CDS2: variants seen among roughly 807,000 people sequenced by gnomAD.
The protein encoded by CDS2 is CDP-diacylglycerol synthase 2, also known as phosphatidate cytidylyltransferase 2.
CDS2 carries 47 observed loss-of-function variants against 59.0 expected under a neutral mutation model. The observed-to-expected ratio is 0.80, with a 90% CI of 0.63 to 1.02. CDS2 has a LOEUF of 1.02. Ranked by LOEUF, CDS2 falls within the 50% of genes least tolerant of loss-of-function variation. CDS2 has a pLI of 0.00. For missense variants in CDS2, 356 were observed against 558.9 expected, an observed-to-expected ratio of 0.64 and a Z score of 3.66; for synonymous variants, 207 against 206.4, an observed-to-expected ratio of 1.00 and a Z score of -0.02.
intron 1 of CDS2, among the ~76,000 whole-genome samples, chr20:5,135,146 A>G (rs1281297582): frequency 2.6e-5 from 4 of 152,264 alleles, no homozygotes; most frequent in African/African-American, 9.6e-5. Context: ...TAAAATGTTG[A>G]CCATTGAACT....
chr20:5,167,131 C>T (rs60296705), intron 1 of CDS2, among the ~76,000 whole-genome samples: 3,944 of 152,230 alleles, frequency 0.026, 74 homozygotes, highest in East Asian at 0.08. Context: ...GTGTTGTGTC[C>T]TCTACCAAGT....
intron 1 of CDS2, among the ~76,000 whole-genome samples, chr20:5,171,924 C>T (rs572679339): frequency 6.6e-6 from 1 of 152,318 alleles, no homozygotes; most frequent in African/African-American, 2.4e-5. Flanking sequence ...TTTACCAAAG[C>T]CAGCTGTCTC....
intron 1 of CDS2, among the ~76,000 whole-genome samples, chr20:5,145,111 C>T (rs1227659438): frequency 6.6e-6 from 1 of 151,802 alleles, no homozygotes; most frequent in African/African-American, 2.4e-5. Flanking sequence ...AATGGGGAGA[C>T]AAGACACAGT....
At chr20:5,164,125 GATTGAGAACACTGTTAAT>G (rs959349345) in intron 1 of CDS2, among the ~76,000 whole-genome samples, 1 of 151,986 alleles carries the variant, frequency 6.6e-6, no homozygotes, top group African/African-American at 2.4e-5. Context: ...ACACATTTGG[GATTGAGAACACTGTTAAT>G]TCCATGTTCT....
chr20:5,156,401 T>C (rs997422506), intron 1 of CDS2, among the ~76,000 whole-genome samples: 1 of 152,020 alleles, frequency 6.6e-6, no homozygotes, highest in African/African-American at 2.4e-5. Flanking sequence ...GGAGGTATCT[T>C]GTTGGCAGGT....
intron 1 of CDS2, among the ~76,000 whole-genome samples, chr20:5,154,395 T>C (rs2090816702): frequency 1.3e-5 from 2 of 152,160 alleles, no homozygotes; most frequent in African/African-American, 4.8e-5. Context: ...GGAAACACTG[T>C]CAGGGCAAGT....
intron 10 of CDS2, chr20:5,187,279 T>C (rs1370499746): frequency 1.1e-5 from 2 of 190,048 alleles, no homozygotes; most frequent in East Asian, 1.2e-4. Context: ...CCAGTTCTAA[T>C]GAATGTCTAT....
intron 9 of CDS2, 127 bp downstream of exon 9, chr20:5,185,953 C>T (rs1212925548): frequency 1.1e-6 from 1 of 879,962 alleles, no homozygotes; most frequent in African/African-American, 1.7e-5. Context: ...GGCAACCTTG[C>T]CCTGAAGAGG....
At chr20:5,148,711 G>A (rs1345682398) in intron 1 of CDS2, among the ~76,000 whole-genome samples, 5 of 152,196 alleles carry the variant, frequency 3.3e-5, no homozygotes, top group African/African-American at 9.7e-5. Context: ...CCTACAATGC[G>A]GTTTGCACCG....
At chr20:5,145,707 G>A (rs1420293193) in intron 1 of CDS2, among the ~76,000 whole-genome samples, 7 of 151,956 alleles carry the variant, frequency 4.6e-5, no homozygotes, top group Admixed American at 4.6e-4. Flanking sequence ...AGGCCATAGT[G>A]TCCTTCCTTG....
intron 1 of CDS2, among the ~76,000 whole-genome samples, chr20:5,140,382 A>G (rs1446879235): frequency 6.6e-6 from 1 of 152,192 alleles, no homozygotes; most frequent in Non-Finnish European, 1.5e-5. Flanking sequence ...AGCCACTCTG[A>G]ATGCCTGTCT....
intron 5 of CDS2, among the ~76,000 whole-genome samples, chr20:5,180,914 AGAGGAG>A (rs61425043): frequency 2.0e-4 from 31 of 152,276 alleles, no homozygotes; most frequent in African/African-American, 7.5e-4. Context: ...TTCAGGGTAG[AGAGGAG>A]CTCAGTCAGA....
chr20:5,187,096 G>A (rs1454632539), intron 10 of CDS2: 2 of 381,080 alleles, frequency 5.2e-6, no homozygotes, highest in East Asian at 4.4e-5. Flanking sequence ...TTTTAGTTGC[G>A]GGGGTAGGGT....
rs997265601 is a variant in CDS2, at chr20:5,190,510, C to A, written c.*276C>A. 9 of 274,508 alleles carry A rather than the reference C, an allele frequency of 3.3e-5. No individual in the cohort carries two copies. Among genetic ancestry groups the A allele is most frequent in the Non-Finnish European group, 5.5e-5 (8 of 145,896 alleles). 17.0% of individuals were successfully genotyped at this position (274,508 alleles called of 1,614,324 possible). On this transcript the variant is annotated 3_prime_UTR_variant, in exon 13 of 13. Transcript: ENST00000460006. Reference sequence around the variant, plus strand: ...TTTTTAAAACAAAAGTATTAATAATCTGGAAGACAGTGTTGCCCAGGTCAG... The same window carrying A: ...TTTTTAAAACAAAAGTATTAATAATATGGAAGACAGTGTTGCCCAGGTCAG...
At chr20:5,151,490 GT>G (rs1234343994) in intron 1 of CDS2, among the ~76,000 whole-genome samples, 1 of 152,140 alleles carries the variant, frequency 6.6e-6, no homozygotes, top group Non-Finnish European at 1.5e-5. Context: ...AGTGGGCAAG[GT>G]GGTATGTACC....
intron 1 of CDS2, among the ~76,000 whole-genome samples, chr20:5,132,680 A>G (rs1362901393): frequency 1.3e-5 from 2 of 152,226 alleles, no homozygotes; most frequent in African/African-American, 4.8e-5. Flanking sequence ...TCCCAGGCTT[A>G]ACAGGGAGAG....
intron 1 of CDS2, among the ~76,000 whole-genome samples, chr20:5,149,892 T>C (rs1197327891): frequency 6.6e-6 from 1 of 151,862 alleles, no homozygotes; most frequent in Non-Finnish European, 1.5e-5. Flanking sequence ...ATTTTTATAT[T>C]TGTAGTAGAG....
intron 1 of CDS2, among the ~76,000 whole-genome samples, chr20:5,130,495 G>A (rs2090595717): frequency 6.6e-6 from 1 of 151,550 alleles, no homozygotes; most frequent in African/African-American, 2.4e-5. Flanking sequence ...CTCTGGAATA[G>A]GCTGGGCGCG....
intron 1 of CDS2, among the ~76,000 whole-genome samples, chr20:5,173,081 G>T (rs1284153583): frequency 6.6e-6 from 1 of 152,164 alleles, no homozygotes; most frequent in South Asian, 2.1e-4. Context: ...TCTGGACTTG[G>T]GACATGTTGA....
Sources: allele counts gnomAD v4.1 joint callset (sites outside exome capture counted in the v4.1 genomes callset), GRCh38; gene constraint gnomAD v4.1.1; transcripts MANE v1.5; gene names NCBI Gene and HGNC (gene_info 2026-07-23, HGNC 2026-07-21).